The following SPTBN5 variants were observed in gnomAD, a reference collection of about 807,000 sequenced individuals.
SPTBN5 encodes the protein spectrin beta, non-erythrocytic 5, also known as spectrin beta chain, non-erythrocytic 5.
In SPTBN5, 513 loss-of-function variants were observed where a neutral mutation model predicts 477.6. That is an observed-to-expected ratio of 1.07 (90% CI 1.00 to 1.16). SPTBN5 has a LOEUF of 1.16. Among genes scored for constraint, SPTBN5 ranks in the 50% most tolerant of loss-of-function variants. The pLI, the probability that SPTBN5 is intolerant of heterozygous loss-of-function variation, is 0.00. For synonymous variants in SPTBN5, 2,169 were observed against 2,011.7 expected (o/e 1.08, Z -2.09); for missense variants, 5,062 against 4,731.8 (o/e 1.07, Z -2.05).
chr15:41,885,803 C>T lies in SPTBN5; in HGVS notation c.1452G>A (p.Gln484=). The part of the protein sequence containing the change: ...AGILPQEGRF[Q]ALAEIADILR... ...GGATGTCTGCGATCTCAGCCAGGGC[C>T]TGGAAGCGCCCCTCCTGGGGCAGGA... The change falls in exon 7 of 68, where the codon CAG becomes CAA. Residue 484 remains glutamine (Q), a synonymous_variant. Coordinates refer to ENST00000320955, the MANE Select transcript of SPTBN5 (RefSeq NM_016642.4). 6.4e-7 allele frequency: 1 copy of T among 1,558,218 alleles called. No individual in the cohort carries two copies. Among genetic ancestry groups the T allele is most frequent in the Non-Finnish European group, 8.7e-7 (1 of 1,151,150 alleles).
chr15:41,879,988 A>G, intron 14 of SPTBN5, 124 bp from the exon 15 acceptor site: 1 of 1,447,964 alleles, frequency 6.9e-7, no homozygotes, highest in Non-Finnish European at 9.3e-7. Flanking sequence ...TGCCCCTGGA[A>G]AGACAGCCAT....
At position 41,853,626 on chromosome 15, in the gene SPTBN5, C is replaced by A; in HGVS notation, c.9936G>T (p.Gln3312His). 6.3e-7 allele frequency: 1 copy of A among 1,592,206 alleles called. No individual in the cohort carries two copies. Among genetic ancestry groups the A allele is most frequent in the Non-Finnish European group, 8.5e-7 (1 of 1,170,056 alleles). Reference protein sequence around the residue: ...KAQERGQWLAQAAQGHAFLGR... With the variant: ...KAQERGQWLAHAAQGHAFLGR... The stretch of plus-strand genomic sequence containing the variant: ...CGAGGAAGGCATGGCCCTGTGCAGC[C>A]TGCGCCAGCCACTGGCCTCGCTCCT... Residue 3312 changes from glutamine to histidine, a missense_variant, in exon 58 of 68, where the codon CAG becomes CAT. Transcript: ENST00000320955.
rs767055996 is a variant in SPTBN5, at chr15:41,885,770, CTG to C, written c.1483_1484del (p.Gln495GlyfsTer81). 11 of 1,557,766 alleles carry C rather than the reference CTG, an allele frequency of 7.1e-6. No homozygotes were observed. The highest frequency in any genetic ancestry group is 9.6e-6 in the Non-Finnish European group (11 of 1,150,840). On this transcript the variant is annotated frameshift_variant, in exon 7 of 68. Transcript: ENST00000320955. LOFTEE classifies it high-confidence loss of function. ...CATCTGCCCAGCTGTGGTACTGCTC[CTG>C]CCGGAGGATGTCTGCGATCTCAGCC... ...ALAEIADILR[Q>X]EQYHSWADVA...
chr15:41,858,506 G>A, intron 49 of SPTBN5, 96 bp downstream of exon 49: 2 of 1,418,482 alleles, frequency 1.4e-6, no homozygotes, highest in Non-Finnish European at 1.9e-6. Context: ...GGATAACGCT[G>A]GCCACCGTTA....
chr15:41,849,431 T>C (rs2065672303), intron 67 of SPTBN5, among the ~76,000 whole-genome samples: 1 of 151,732 alleles, frequency 6.6e-6, no homozygotes, highest in Admixed American at 6.6e-5. Flanking sequence ...GGAACAAGGG[T>C]GGGGCAGGGT....
chr15:41,854,017 TCA>T (rs763269933), intron 57 of SPTBN5, 31 bp downstream of exon 57: 2 of 1,534,984 alleles, frequency 1.3e-6, no homozygotes, highest in African/African-American at 2.7e-5. Context: ...GGGCAGGGGC[TCA>T]GACAGGCAGG....
intron 60 of SPTBN5, 40 bp from the exon 61 acceptor site, chr15:41,852,775 G>GA (rs765553874): frequency 6.2e-7 from 1 of 1,611,310 alleles, no homozygotes; most frequent in Admixed American, 1.7e-5. Context: ...AGCTTGGGGG[G>GA]GGGGGCCCAG....
intron 13 of SPTBN5, among the ~76,000 whole-genome samples, chr15:41,880,619 T>A (rs1218499214): frequency 6.6e-6 from 1 of 152,056 alleles, no homozygotes; most frequent in African/African-American, 2.4e-5. Context: ...CGCCGCTCCC[T>A]CTGCCTGCTC....
In SPTBN5 at chr15:41,876,055, A is replaced by C. The variant is rs1045082126; in HGVS notation, c.4122+59T>G. 6 of 1,556,972 alleles carry C rather than the reference A, an allele frequency of 3.9e-6. No individual in the cohort carries two copies. The African/African-American group carries it at 8.1e-5, about 21-fold the overall frequency. ...ACTCTTCCATGAAAACAGGTGGTGC[A>C]GTAGGGTTGGGAATTTGAAGACAAG... On this transcript the variant is annotated intron_variant, in intron 21 of 67. Transcript: ENST00000320955.
At position 41,873,606 on chromosome 15, in the gene SPTBN5, G is replaced by A; in HGVS notation, c.4893C>T (p.Tyr1631=). The change falls in exon 26 of 68, where the codon TAC becomes TAT. Residue 1631 remains tyrosine (Y), a splice_region_variant and synonymous_variant. Transcript: ENST00000320955. ...CCTCCAGCTCTGACACATCCAGAAA[G>A]TACTGCCAAGAGTGGGGCCAACTCA... The part of the protein sequence containing the change: ...CLQQAVTFQQ[Y]FLDVSELEGW... The A allele has an allele frequency of 6.4e-7, 1 of 1,551,250 alleles. No individual in the cohort carries two copies. Among genetic ancestry groups the A allele is most frequent in the Non-Finnish European group, 8.7e-7 (1 of 1,147,018 alleles).
chr15:41,853,723 T>C lies in SPTBN5; in HGVS notation c.9839A>G (p.Gln3280Arg). 6.3e-7 allele frequency: 1 copy of C among 1,592,702 alleles called. No individual in the cohort carries two copies. Among genetic ancestry groups the C allele is most frequent in the South Asian group, 1.1e-5 (1 of 88,500 alleles). Residue 3280 changes from glutamine (Q) to arginine (R), a missense_variant, in exon 58 of 68, where the codon CAG becomes CGG. Physicochemically the swap from Gln to Arg is conservative, Grantham distance 43. Transcript: ENST00000320955. Reference protein sequence around the residue: ...RLQTEACRLGQLHPAAPGGLA... With the variant: ...RLQTEACRLGRLHPAAPGGLA... ...GCCCCCCGGAGCTGCAGGATGTAGC[T>C]GGCCCAGTCGGCAGGCCTCCGTCTG...
chr15:41,857,816 C>T, intron 49 of SPTBN5, 106 bp from the exon 50 acceptor site: 1 of 1,358,500 alleles, frequency 7.4e-7, no homozygotes, highest in Non-Finnish European at 9.9e-7. Flanking sequence ...TCCCTGCGGT[C>T]CAGCTGCATG....
At position 41,857,391 on chromosome 15, in the gene SPTBN5, C is replaced by T. The variant is rs1409493028; in HGVS notation, c.8468G>A (p.Gly2823Asp). ...CTCCCTCTGTGTGCCCAGGAGCTCG[C>T]CCACCCCAGGCAGGGCCTGGCCCAC... is the stretch of plus-strand genomic sequence containing the variant. Reference protein sequence around the residue: ...PTVGQALPGVGELLGTQRELE... With the variant: ...PTVGQALPGVDELLGTQRELE... The change falls in exon 51 of 68, where the codon GGC (glycine) becomes GAC (aspartate). Residue 2823 changes from glycine to aspartate, a missense_variant. Physicochemically the swap from Gly to Asp is moderately conservative, Grantham distance 94. Coordinates refer to ENST00000320955, the MANE Select transcript of SPTBN5 (RefSeq NM_016642.4). 1.9e-6 allele frequency: 3 copies of T among 1,585,412 alleles called. No homozygotes were observed. Among genetic ancestry groups the T allele is most frequent in the South Asian group, 1.1e-5 (1 of 87,102 alleles).
In SPTBN5 at chr15:41,850,159, G is replaced by A. The variant is rs567411915; in HGVS notation, c.10922-200C>T. On this transcript the variant is annotated intron_variant, in intron 66 of 67. Coordinates refer to ENST00000320955, the MANE Select transcript of SPTBN5 (RefSeq NM_016642.4). ...TTCCCCCATGCGTCCTGCCTCTTAG[G>A]AAACTCCTCACAGGTGAGTTAAGAA... 144 of 582,648 alleles carry A rather than the reference G, an allele frequency of 2.5e-4. No homozygotes were observed. In the East Asian group the frequency reaches 3.7e-3, roughly 15 times the overall value. 36.1% of individuals were successfully genotyped at this position (582,648 alleles called of 1,614,324 possible).
At chr15:41,879,885 G>C in intron 14 of SPTBN5, 21 bp from the exon 15 acceptor site, 1 of 1,613,442 alleles carries the variant, frequency 6.2e-7, no homozygotes, top group Non-Finnish European at 8.5e-7. Context: ...GGAGGACCCA[G>C]CCCTCTTGGG....
intron 63 of SPTBN5, 36 bp downstream of exon 63, chr15:41,851,743 G>A: frequency 6.5e-7 from 1 of 1,539,058 alleles, no homozygotes; most frequent in Non-Finnish European, 9.0e-7. Flanking sequence ...GCTGCAAGTG[G>A]GGAGCTGCCT....
chr15:41,854,010 C>T, intron 57 of SPTBN5, 40 bp downstream of exon 57: 1 of 1,526,654 alleles, frequency 6.6e-7, no homozygotes, highest in Non-Finnish European at 8.8e-7. Context: ...CGCCTTCGGG[C>T]AGGGGCTCAG....
intron 14 of SPTBN5, 64 bp from the exon 15 acceptor site, chr15:41,879,928 C>T: frequency 6.3e-7 from 1 of 1,595,550 alleles, no homozygotes; most frequent in East Asian, 2.2e-5. Flanking sequence ...CCCCTCTAGC[C>T]TATGACGGAC....
rs2066867365 is a variant in SPTBN5, at chr15:41,879,377, T to A, written c.3065A>T (p.Gln1022Leu). 7 of 1,610,576 alleles carry A rather than the reference T, an allele frequency of 4.3e-6. No homozygotes were observed. Among genetic ancestry groups the A allele is most frequent in the Non-Finnish European group, 5.1e-6 (6 of 1,179,870 alleles). Residue 1022 changes from glutamine (Q) to leucine (L), a missense_variant, in exon 16 of 68, where the codon CAG becomes CTG. Gln to Leu is a moderately radical substitution (Grantham distance 113). Transcript: ENST00000320955. ...GCTCCCTGGCTGCAGGGCCTCCAGC[T>A]GGAGGAGCACGTCTCGCAGCTGGAC... ...TQVQLRDVLL[Q>L]LEALQPGSSE...
Sources: gnomAD v4.1 joint callset for allele counts (sites outside exome capture counted in the v4.1 genomes callset) on GRCh38, gnomAD v4.1.1 for gene constraint, MANE v1.5 for transcripts, NCBI Gene and HGNC (gene_info 2026-07-23, HGNC 2026-07-21) for gene names.